Variants in WIPF3 observed in about 807,000 individuals in gnomAD.
WIPF3 encodes the protein WAS/WASL interacting protein family member 3.
WIPF3 carries 33 observed loss-of-function variants against 38.9 expected under a neutral mutation model. The ratio of observed to expected loss-of-function variants is 0.85; its 90% CI spans 0.64 to 1.14. The LOEUF is 1.14. Ranked by LOEUF, WIPF3 falls within the 50% of genes most tolerant of loss-of-function variation. WIPF3 has a pLI of 0.00. For synonymous variants in WIPF3, 324 were observed against 269.3 expected, an observed-to-expected ratio of 1.20 and a Z score of -1.99; for missense variants, 711 against 652.5, an observed-to-expected ratio of 1.09 and a Z score of -0.98.
intron 4 of WIPF3, among the ~76,000 whole-genome samples, chr7:29,879,731 C>T (rs987068505): frequency 6.6e-6 from 1 of 152,200 alleles, no homozygotes; most frequent in Admixed American, 6.5e-5. Flanking sequence ...TCTGGAGCCT[C>T]AGCTATAACC....
chr7:29,807,358 A>C (rs1459162421), intron 1 of WIPF3, among the ~76,000 whole-genome samples: 1 of 152,130 alleles, frequency 6.6e-6, no homozygotes, highest in Non-Finnish European at 1.5e-5. Context: ...TTTGGCCACA[A>C]ATGGGTTTAG....
intron 1 of WIPF3, among the ~76,000 whole-genome samples, chr7:29,831,703 G>A (rs1312002837): frequency 2.0e-5 from 3 of 152,210 alleles, no homozygotes; most frequent in Non-Finnish European, 1.5e-5. Flanking sequence ...TAGTCTTACA[G>A]GTGAGTCAGG....
At chr7:29,807,604 G>C (rs1784303278) in intron 1 of WIPF3, among the ~76,000 whole-genome samples, 2 of 152,242 alleles carry the variant, frequency 1.3e-5, no homozygotes, top group South Asian at 4.1e-4. Flanking sequence ...GCGGCGTGGG[G>C]ACCGTGTGTG....
intron 2 of WIPF3, among the ~76,000 whole-genome samples, chr7:29,868,341 A>G (rs1317685854): frequency 6.6e-6 from 1 of 152,124 alleles, no homozygotes; most frequent in African/African-American, 2.4e-5. Flanking sequence ...ATATCTTGGG[A>G]CAGTATGGCT....
chr7:29,876,849 T>C (rs1216097340), intron 3 of WIPF3, among the ~76,000 whole-genome samples: 3 of 152,232 alleles, frequency 2.0e-5, no homozygotes, highest in Non-Finnish European at 4.4e-5. Flanking sequence ...ACGACCCACA[T>C]TGAGTTCTGG....
chr7:29,894,440 G>A (rs1333902156), intron 7 of WIPF3, among the ~76,000 whole-genome samples: 1 of 152,176 alleles, frequency 6.6e-6, no homozygotes, highest in Non-Finnish European at 1.5e-5. Context: ...TTAAGATACT[G>A]TTTTAGATTG....
chr7:29,909,510 T>C (rs778310665), intron 8 of WIPF3, among the ~76,000 whole-genome samples: 3 of 152,154 alleles, frequency 2.0e-5, no homozygotes, highest in Non-Finnish European at 2.9e-5. Context: ...TAAGAGAGTA[T>C]TATAAATACT....
intron 2 of WIPF3, among the ~76,000 whole-genome samples, chr7:29,837,624 TC>T (rs1165966880): frequency 2.6e-5 from 4 of 152,172 alleles, no homozygotes; most frequent in African/African-American, 4.8e-5. Context: ...AGTAAAATAA[TC>T]ATGTAAATTT....
intron 1 of WIPF3, among the ~76,000 whole-genome samples, chr7:29,817,791 A>G (rs1023201020): frequency 6.6e-6 from 1 of 152,088 alleles, no homozygotes; most frequent in Non-Finnish European, 1.5e-5. Context: ...TTATTTTTCC[A>G]TGTAAACTTT....
intron 1 of WIPF3, among the ~76,000 whole-genome samples, chr7:29,822,632 C>T (rs1784557407): frequency 6.6e-6 from 1 of 152,190 alleles, no homozygotes; most frequent in African/African-American, 2.4e-5. Context: ...GAGAGCAGGG[C>T]TCTGCAGGCT....
chr7:29,903,833 T>G (rs1786336868), intron 7 of WIPF3, among the ~76,000 whole-genome samples: 1 of 152,238 alleles, frequency 6.6e-6, no homozygotes, highest in Admixed American at 6.5e-5. Flanking sequence ...CTTTATTTTT[T>G]GAATTCTTAA....
Position 29,834,804 on chromosome 7 carries a change from C to T in WIPF3, c.80C>T (p.Ser27Leu), listed in dbSNP as rs968269005. 12 of 1,498,348 alleles carry T rather than the reference C, an allele frequency of 8.0e-6. No homozygotes were observed. The highest frequency in any genetic ancestry group is 1.1e-5 in the Non-Finnish European group (12 of 1,112,756). The allele number at this position is 1,498,348 out of a possible 1,614,324, so 92.8% of individuals were successfully genotyped here. Residue 27 changes from serine (S) to leucine (L), a missense_variant, in exon 2 of 9, where the codon TCA (serine) becomes TTA (leucine). Ser to Leu is a moderately radical substitution (Grantham distance 145). Transcript: ENST00000242140. ...GGGGCTCCTCCCCCTCCCCCACCAT[C>T]AGCACCCCCGGTAAGACCTTTTTTT... ...PLGAPPPPPP[S>L]APPVSTDTSS...
chr7:29,876,371 C>T lies in WIPF3; in HGVS notation c.223+409C>T, dbSNP rs370723796. Among the ~76,000 whole-genome samples the T allele has an allele frequency of 8.5e-5, 13 of 152,282 alleles. No homozygotes were observed. In the South Asian group the frequency reaches 2.5e-3, roughly 29 times the overall value. On this transcript the variant is annotated intron_variant, in intron 3 of 8. Coordinates refer to ENST00000242140, the MANE Select transcript of WIPF3 (RefSeq NM_001080529.3). ...CATCACCCCTAAAGGAAATCTCATA[C>T]CCATTAGTAAGTCATTCCCCATTAG... is the stretch of plus-strand genomic sequence containing the variant.
At position 29,916,626 on chromosome 7, in the gene WIPF3, T is replaced by C. The variant is rs990549994; in HGVS notation, c.*2110T>C. 6.6e-6 allele frequency: 1 copy of C among 152,102 alleles called. No individual in the cohort carries two copies. Among genetic ancestry groups the C allele is most frequent in the Non-Finnish European group, 1.5e-5 (1 of 68,106 alleles). 9.4% of individuals were successfully genotyped at this position (152,102 alleles called of 1,614,324 possible). A position where few individuals can be genotyped will look rare whatever the true frequency, so the allele number is the denominator to read the frequency against. The stretch of plus-strand genomic sequence containing the variant: ...AACTTGGGAGGTTCAGGCACAAGAA[T>C]TGCTTGAACCCTGGAGGTGGAGGTT... On this transcript the variant is annotated 3_prime_UTR_variant, in exon 9 of 9. Transcript: ENST00000242140.
At chr7:29,869,086 A>G (rs1039981999) in intron 2 of WIPF3, among the ~76,000 whole-genome samples, 1 of 151,770 alleles carries the variant, frequency 6.6e-6, no homozygotes, top group African/African-American at 2.4e-5. Context: ...CTAGAGTGCA[A>G]TGGCGCAATT....
At chr7:29,885,974 T>C (rs892640898) in intron 5 of WIPF3, among the ~76,000 whole-genome samples, 16 of 152,246 alleles carry the variant, frequency 1.1e-4, no homozygotes, top group African/African-American at 3.9e-4. Flanking sequence ...CTGTGTTTTA[T>C]TTAACATTAT....
At chr7:29,911,803 A>G (rs1272958629) in intron 8 of WIPF3, among the ~76,000 whole-genome samples, 4 of 152,144 alleles carry the variant, frequency 2.6e-5, no homozygotes, top group Non-Finnish European at 5.9e-5. Context: ...GAAGACCTAA[A>G]TGTAGGACCT....
chr7:29,890,983 G>A (rs13307280), intron 7 of WIPF3, among the ~76,000 whole-genome samples: 83 of 99,864 alleles, frequency 8.3e-4, no homozygotes, highest in Admixed American at 1.4e-3. Context: ...TGGAGGGGGC[G>A]AGGGCCTGCC....
chr7:29,912,505 A>G (rs1786522579), intron 8 of WIPF3: 1 of 200,474 alleles, frequency 5.0e-6, no homozygotes, highest in South Asian at 9.7e-5. Context: ...TATTTACAAT[A>G]GCTAAAATGT....
Sources: gnomAD v4.1 joint callset for allele counts (sites outside exome capture counted in the v4.1 genomes callset) on GRCh38, gnomAD v4.1.1 for gene constraint, MANE v1.5 for transcripts, NCBI Gene and HGNC (gene_info 2026-07-23, HGNC 2026-07-21) for gene names.